JMJD1C: variants seen among roughly 807,000 people sequenced by gnomAD.
The protein encoded by JMJD1C is jumonji domain containing 1C.
Under a neutral mutation model 245.3 loss-of-function variants are expected in JMJD1C, and 31 were observed. The ratio of observed to expected loss-of-function variants is 0.13; its 90% CI spans 0.09 to 0.17. The LOEUF (loss-of-function observed/expected upper bound fraction) is 0.17, where lower values mean the gene tolerates loss of function less well. Among genes scored for constraint, JMJD1C ranks in the 10% least tolerant of loss-of-function variants. JMJD1C has a pLI of 1.00. For missense variants in JMJD1C, 2,691 were observed against 3,000.2 expected, an observed-to-expected ratio of 0.90 and a Z score of 2.41; for synonymous variants, 1,057 against 1,017.4, an observed-to-expected ratio of 1.04 and a Z score of -0.74.
chr10:63,342,322 C>T (rs1034900404), intron 2 of JMJD1C, among the ~76,000 whole-genome samples: 3 of 152,180 alleles, frequency 2.0e-5, no homozygotes, highest in African/African-American at 4.8e-5. Context: ...AGGACTAAAG[C>T]ATTGTGCATT....
At position 63,334,934 on chromosome 10, in the gene JMJD1C, C is replaced by T. The variant is rs532648769; in HGVS notation, c.333+45384G>A. Among the ~76,000 whole-genome samples the T allele has an allele frequency of 5.3e-5, 8 of 151,202 alleles. No individual in the cohort carries two copies. The South Asian group carries it at 1.5e-3, about 28-fold the overall frequency. On this transcript the variant is annotated intron_variant, in intron 2 of 25. Coordinates refer to ENST00000399262, the MANE Select transcript of JMJD1C (RefSeq NM_032776.3). Reference sequence around the variant, plus strand: ...TGTTGGCCAGGCTGTTCTTGAACTCCTGACCTCAGGTGATCCTCCCGCCTC... The same window carrying T: ...TGTTGGCCAGGCTGTTCTTGAACTCTTGACCTCAGGTGATCCTCCCGCCTC...
At chr10:63,192,877 C>G (rs1465567652) in intron 16 of JMJD1C, 61 bp downstream of exon 16, 1 of 1,209,352 alleles carries the variant, frequency 8.3e-7, no homozygotes, top group Non-Finnish European at 1.2e-6. Context: ...TACAATAGTA[C>G]ATTGTTGGTT....
intron 1 of JMJD1C, among the ~76,000 whole-genome samples, chr10:63,388,187 A>G (rs1217056918): frequency 2.0e-5 from 3 of 152,182 alleles, no homozygotes; most frequent in Non-Finnish European, 4.4e-5. Context: ...AGCACCTTAT[A>G]GTAAAAATGT....
chr10:63,167,350 T>C lies in JMJD1C; in HGVS notation c.*695A>G, dbSNP rs1841950826. ...TTTTAAAAAAATACATCATTAAATG[T>C]ATATATGTATATATTTACATAGCAT... On this transcript the variant is annotated 3_prime_UTR_variant, in exon 26 of 26. Coordinates refer to ENST00000399262, the MANE Select transcript of JMJD1C (RefSeq NM_032776.3). The C allele has an allele frequency of 6.6e-6, 1 of 152,634 alleles. No individual in the cohort carries two copies. The highest frequency in any genetic ancestry group is 1.5e-5 in the Non-Finnish European group (1 of 68,048). 9.5% of individuals were successfully genotyped at this position (152,634 alleles called of 1,614,324 possible).
At chr10:63,251,229 A>G (rs186177461) in intron 3 of JMJD1C, among the ~76,000 whole-genome samples, 5 of 152,326 alleles carry the variant, frequency 3.3e-5, no homozygotes, top group Non-Finnish European at 5.9e-5. Context: ...GGCAAATGGG[A>G]AAAGGGCTGT....
In JMJD1C at chr10:63,240,424, G is replaced by T. The variant is rs568938973; in HGVS notation, c.448-20441C>A. Among the ~76,000 whole-genome samples, 3 of 152,296 alleles carry T rather than the reference G, an allele frequency of 2.0e-5. No homozygotes were observed. The South Asian group carries it at 6.2e-4, about 32-fold the overall frequency. ...ATTTCCAAAAGGACAGTGATCCAGT[G>T]TTAAATGCAAAGGTTCAGTAGGACA... is the stretch of plus-strand genomic sequence containing the variant. On this transcript the variant is annotated intron_variant, in intron 3 of 25. Transcript: ENST00000399262.
chr10:63,267,733 T>C (rs1226587500), intron 2 of JMJD1C, among the ~76,000 whole-genome samples: 1 of 152,194 alleles, frequency 6.6e-6, no homozygotes, highest in Non-Finnish European at 1.5e-5. Flanking sequence ...TTTTCAATTT[T>C]ATTAGAGTGA....
chr10:63,393,190 C>CCTGAGTTGATGAGG (rs1470283676), intron 1 of JMJD1C, among the ~76,000 whole-genome samples: 1 of 152,032 alleles, frequency 6.6e-6, no homozygotes, highest in African/African-American at 2.4e-5. Context: ...ATCACTTGAG[C>CCTGAGTTGATGAGG]CTGAGTTGAT....
chr10:63,503,296 G>C (rs1250044487), intron 1 of JMJD1C, among the ~76,000 whole-genome samples: 1 of 152,100 alleles, frequency 6.6e-6, no homozygotes, highest in Non-Finnish European at 1.5e-5. Flanking sequence ...GTTCAACTTA[G>C]GTCAATTCAG....
At position 63,207,832 on chromosome 10, in the gene JMJD1C, A is replaced by C. The variant is rs1224169270; in HGVS notation, c.3837T>G (p.Asn1279Lys). ...CAGTTTTCTCTTTGCTGAGGTTATT[A>C]TTAGGTCTCCACATCTCCGTCAAAC... ...EQSLTEMWRP[N>K]NNLSKEKTEW... is the part of the protein sequence containing the mutation. Residue 1279 changes from asparagine to lysine, a missense_variant, in exon 10 of 26, where the codon AAT becomes AAG. Around this residue, in one of 9 missense-constraint regions of JMJD1C, gnomAD observed 1,562 missense variants for 1,490.7 expected, o/e 1.05. Transcript: ENST00000399262. 2 of 1,613,966 alleles carry C rather than the reference A, an allele frequency of 1.2e-6. No homozygotes were observed. The highest frequency in any genetic ancestry group is 1.7e-6 in the Non-Finnish European group (2 of 1,180,008).
intron 1 of JMJD1C, among the ~76,000 whole-genome samples, chr10:63,520,226 T>G (rs1285788741): frequency 6.6e-6 from 1 of 152,178 alleles, no homozygotes; most frequent in Admixed American, 6.5e-5. Flanking sequence ...AACATATTAT[T>G]TAGCAGTGCC....
chr10:63,253,419 T>C (rs532350966), intron 3 of JMJD1C, among the ~76,000 whole-genome samples: 12 of 152,026 alleles, frequency 7.9e-5, no homozygotes, highest in African/African-American at 2.4e-4. Context: ...AGTCTTGCTC[T>C]GTCGCCCAGG....
At chr10:63,248,451 G>A (rs1370841535) in intron 3 of JMJD1C, among the ~76,000 whole-genome samples, 1 of 151,898 alleles carries the variant, frequency 6.6e-6, no homozygotes, top group African/African-American at 2.4e-5. Context: ...AATCCGGGAG[G>A]CAGAGGTTGC....
chr10:63,473,411 A>C (rs2133158553), intron 1 of JMJD1C, among the ~76,000 whole-genome samples: 1 of 151,838 alleles, frequency 6.6e-6, no homozygotes, highest in Non-Finnish European at 1.5e-5. Flanking sequence ...ACACCTGGCT[A>C]ATTTTTGCAT....
intron 1 of JMJD1C, among the ~76,000 whole-genome samples, chr10:63,394,141 T>C (rs374649847): frequency 6.9e-6 from 1 of 144,746 alleles, no homozygotes; most frequent in Non-Finnish European, 1.5e-5. Context: ...GAGCCGAGAC[T>C]GCACCACTGA....
intron 1 of JMJD1C, among the ~76,000 whole-genome samples, chr10:63,442,778 T>TTA (rs757066327): frequency 1.3e-5 from 2 of 152,218 alleles, no homozygotes; most frequent in Non-Finnish European, 2.9e-5. Context: ...CAATGCCACA[T>TTA]TTTCATATTG....
In JMJD1C at chr10:63,376,613, G is replaced by T. The variant is rs144015966; in HGVS notation, c.333+3705C>A. Among the ~76,000 whole-genome samples, 908 of 152,136 alleles carry T rather than the reference G, an allele frequency of 6.0e-3. 3 individuals carry two copies. Among genetic ancestry groups the T allele is most frequent in the Admixed American group, 0.011 (164 of 15,268 alleles). On this transcript the variant is annotated intron_variant, in intron 2 of 25. Transcript: ENST00000399262. Reference sequence around the variant, plus strand: ...ATGATCCAATTCAAAAACAGGCAAAGAACTTTATGAATAGATATTTCTCAA... The same window carrying T: ...ATGATCCAATTCAAAAACAGGCAAATAACTTTATGAATAGATATTTCTCAA...
At chr10:63,383,920 CA>C (rs1277554448) in intron 1 of JMJD1C, among the ~76,000 whole-genome samples, 1 of 152,098 alleles carries the variant, frequency 6.6e-6, no homozygotes, top group Non-Finnish European at 1.5e-5. Flanking sequence ...AAGTTTGTCA[CA>C]TCTATTAATT....
Position 63,214,308 on chromosome 10 carries a change from G to A in JMJD1C, c.1859C>T (p.Pro620Leu), listed in dbSNP as rs1847707857. Residue 620 changes from proline (P) to leucine (L), a missense_variant, in exon 8 of 26, where the codon CCA becomes CTA. By Grantham distance (98) the Pro-to-Leu change is moderately conservative (BLOSUM62 -3). Around this residue, in one of 9 missense-constraint regions of JMJD1C, gnomAD observed 1,562 missense variants for 1,490.7 expected, o/e 1.05. Coordinates refer to ENST00000399262, the MANE Select transcript of JMJD1C (RefSeq NM_032776.3). ...ATTAAGTTTAGATTTTATAGTCTCT[G>A]GAGGTGGACTTCGCTTATGCAGCTT... ...EDKLHKRSPP[P>L]ETIKSKLNTS... The A allele has an allele frequency of 6.2e-7, 1 of 1,613,850 alleles. No individual in the cohort carries two copies. The highest frequency in any genetic ancestry group is 1.3e-5 in the African/African-American group (1 of 74,932).
Sources: gnomAD v4.1 joint callset for allele counts (sites outside exome capture counted in the v4.1 genomes callset) on GRCh38, gnomAD v4.1.1 for gene constraint, gnomAD v4.1.1 regional missense constraint, MANE v1.5 for transcripts, NCBI Gene and HGNC (gene_info 2026-07-23, HGNC 2026-07-21) for gene names.